HDAC8: variants seen among roughly 807,000 people sequenced by gnomAD.
The protein encoded by HDAC8 is histone deacetylase 8, also known as histone deacetylase-like 1.
In HDAC8, 1 loss-of-function variant was observed where a neutral mutation model predicts 32.2. That is an observed-to-expected ratio of 0.03 (90% CI 0.01 to 0.15). HDAC8 has a LOEUF of 0.15. Ranked by LOEUF, HDAC8 falls within the 10% of genes least tolerant of loss-of-function variation. The pLI is 1.00. For synonymous variants in HDAC8, 108 were observed against 113.9 expected, an observed-to-expected ratio of 0.95 and a Z score of 0.33; for missense variants, 117 against 300.0, an observed-to-expected ratio of 0.39 and a Z score of 4.51.
intron 5 of HDAC8, among the ~76,000 whole-genome samples, chrX:72,492,558 A>G (rs1440583431): frequency 5.4e-5 from 6 of 110,344 alleles, no homozygotes; most frequent in Non-Finnish European, 1.1e-4. Flanking sequence ...TTTAAAATAA[A>G]CCAAATGCAT....
At chrX:72,351,913 C>A (rs1262982705) in intron 9 of HDAC8, 75 bp from the exon 10 acceptor site, 1 of 722,330 alleles carries the variant, frequency 1.4e-6, no homozygotes, top group South Asian at 2.6e-5. Flanking sequence ...TACAAACAAT[C>A]AAAAGAAACT....
chrX:72,395,261 A>T (rs188965845), intron 9 of HDAC8, among the ~76,000 whole-genome samples: 1 of 112,092 alleles, frequency 8.9e-6, no homozygotes, highest in East Asian at 2.8e-4. Context: ...GTCTGGGGGA[A>T]GTTAGGACAT....
rs782142009 is a variant in HDAC8 at position 72,464,611 on chromosome X, C to G, written c.858G>C (p.Lys286Asn). 9.9e-6 allele frequency: 12 copies of G among 1,208,851 alleles called. No homozygotes were observed. The highest frequency in any genetic ancestry group is 1.2e-5 in the Non-Finnish European group (11 of 892,754). ...SFNMTPVGIG[K>N]CLKYILQWQL... Reference sequence around the variant, plus strand: ...GCCATTGAAGGATGTACTTAAGACACTTGCCAATTCCCACTGGAGTCATGT... The same window carrying G: ...GCCATTGAAGGATGTACTTAAGACAGTTGCCAATTCCCACTGGAGTCATGT... The change falls in exon 8 of 11, where the codon AAG becomes AAC. Residue 286 changes from lysine (K) to asparagine (N), a missense_variant. Coordinates refer to ENST00000373573, the MANE Select transcript of HDAC8 (RefSeq NM_018486.3).
intron 4 of HDAC8, among the ~76,000 whole-genome samples, chrX:72,521,058 C>T (rs1434380042): frequency 8.9e-6 from 1 of 112,139 alleles, no homozygotes; most frequent in Non-Finnish European, 1.9e-5. Flanking sequence ...TGTAAATGTG[C>T]ATTTTCCTCT....
At chrX:72,403,043 A>G (rs2045946789) in intron 9 of HDAC8, among the ~76,000 whole-genome samples, 2 of 111,650 alleles carry the variant, frequency 1.8e-5, no homozygotes, top group Non-Finnish European at 3.8e-5. Context: ...CTTTGAACAT[A>G]AAGTTTGTTT....
chrX:72,395,554 T>C (rs1158076501), intron 9 of HDAC8, among the ~76,000 whole-genome samples: 6 of 112,357 alleles, frequency 5.3e-5, no homozygotes, highest in Admixed American at 1.9e-4. Context: ...GTGGCTGTTT[T>C]AAAGCACAGG....
intron 4 of HDAC8, among the ~76,000 whole-genome samples, chrX:72,505,302 C>T (rs1480494920): frequency 9.0e-6 from 1 of 110,881 alleles, no homozygotes; most frequent in Non-Finnish European, 1.9e-5. Flanking sequence ...CCTTATTTTG[C>T]GTTCAAGAAT....
intron 4 of HDAC8, among the ~76,000 whole-genome samples, chrX:72,505,229 C>T (rs972096201): frequency 9.9e-5 from 11 of 110,575 alleles, no homozygotes; most frequent in African/African-American, 3.6e-4. Flanking sequence ...CCTTTGAAGC[C>T]CCAAAGCTTT....
chrX:72,362,830 C>G (rs1391864683), intron 9 of HDAC8, among the ~76,000 whole-genome samples: 1 of 111,766 alleles, frequency 8.9e-6, no homozygotes, highest in Non-Finnish European at 1.9e-5. Flanking sequence ...TATCCCAAAA[C>G]CCTGAAGCCA....
At chrX:72,371,665 T>A (rs192044095) in intron 9 of HDAC8, among the ~76,000 whole-genome samples, 2 of 112,181 alleles carry the variant, frequency 1.8e-5, no homozygotes, top group Admixed American at 9.4e-5. Context: ...AGCCTATAAG[T>A]TCCTGGAAGT....
At chrX:72,419,072 T>G (rs782499995) in intron 9 of HDAC8, among the ~76,000 whole-genome samples, 1 of 111,873 alleles carries the variant, frequency 8.9e-6, no homozygotes, top group South Asian at 3.7e-4. Context: ...ATCTCCTAAC[T>G]TTTGTCCTTT....
At chrX:72,496,611 G>A (rs958067103) in intron 4 of HDAC8, among the ~76,000 whole-genome samples, 10 of 111,148 alleles carry the variant, frequency 9.0e-5, no homozygotes, top group Non-Finnish European at 1.9e-4. Flanking sequence ...TAAAAAAAGA[G>A]ATAATTTGCT....
intron 9 of HDAC8, among the ~76,000 whole-genome samples, chrX:72,392,212 C>A: frequency 8.9e-6 from 1 of 111,972 alleles, no homozygotes; most frequent in Non-Finnish European, 1.9e-5. Flanking sequence ...TCTACACAGA[C>A]AGACATCCCT....
intron 4 of HDAC8, among the ~76,000 whole-genome samples, chrX:72,560,979 A>T (rs1426468149): frequency 8.9e-6 from 1 of 111,800 alleles, no homozygotes; most frequent in Non-Finnish European, 1.9e-5. Flanking sequence ...AAAAAAAAAG[A>T]ATATACCTAA....
chrX:72,436,318 G>T (rs1007298712), intron 9 of HDAC8, among the ~76,000 whole-genome samples: 2 of 111,942 alleles, frequency 1.8e-5, no homozygotes, highest in Non-Finnish European at 3.8e-5. Context: ...CTGGAAAGCA[G>T]CTAGAGAGAA....
At chrX:72,500,873 A>G (rs1023798569) in intron 4 of HDAC8, among the ~76,000 whole-genome samples, 2 of 112,076 alleles carry the variant, frequency 1.8e-5, no homozygotes, top group Non-Finnish European at 3.8e-5. Flanking sequence ...AGAAAACCTC[A>G]TAATCTCAGC....
chrX:72,337,061 C>G (rs1555942756), intron 10 of HDAC8, among the ~76,000 whole-genome samples: 1 of 112,340 alleles, frequency 8.9e-6, no homozygotes, highest in Non-Finnish European at 1.9e-5. Flanking sequence ...CTTTTGCCCA[C>G]TTAAAAATTG....
chrX:72,561,322 G>C (rs1466942949), intron 4 of HDAC8, among the ~76,000 whole-genome samples: 3 of 112,146 alleles, frequency 2.7e-5, no homozygotes, highest in Non-Finnish European at 5.6e-5. Flanking sequence ...GCACGATACT[G>C]GTATAAAAAT....
At chrX:72,504,362 T>G (rs2049319427) in intron 4 of HDAC8, among the ~76,000 whole-genome samples, 1 of 111,958 alleles carries the variant, frequency 8.9e-6, no homozygotes, top group Admixed American at 9.5e-5. Context: ...TGACAACCAG[T>G]AATCTGTGTT....
Sources: allele counts gnomAD v4.1 joint callset (sites outside exome capture counted in the v4.1 genomes callset), GRCh38; gene constraint gnomAD v4.1.1; transcripts MANE v1.5; gene names NCBI Gene and HGNC (gene_info 2026-07-23, HGNC 2026-07-21).